UBE2V2: variants seen among roughly 807,000 people sequenced by gnomAD.
UBE2V2 encodes ubiquitin-conjugating enzyme E2 variant 2.
UBE2V2 carries 9 observed loss-of-function variants against 17.2 expected under a neutral mutation model. The observed-to-expected ratio is 0.52, with a 90% CI of 0.32 to 0.91. The LOEUF (loss-of-function observed/expected upper bound fraction) is 0.91. Ranked by LOEUF, UBE2V2 falls within the 40% of genes least tolerant of loss-of-function variation. UBE2V2 has a pLI of 0.04. For missense variants in UBE2V2, 133 were observed against 182.6 expected (o/e 0.73, Z 1.56); for synonymous variants, 61 against 57.5 (o/e 1.06, Z -0.28).
the UBE2V2 span, among the ~76,000 whole-genome samples, chr8:48,000,775 TCACGTCACTG>T: frequency 8.0e-6 from 1 of 124,972 alleles, no homozygotes; most frequent in East Asian, 2.4e-4. Flanking sequence ...TGAGTGGAGA[TCACGTCACTG>T]CACTCCAGCC....
rs570599985 is a variant in UBE2V2, at chr8:48,064,366, T to C, written c.*3538T>C. On this transcript the variant is annotated 3_prime_UTR_variant, in exon 4 of 4. Coordinates refer to ENST00000523111, the MANE Select transcript of UBE2V2 (RefSeq NM_003350.3). The stretch of plus-strand genomic sequence containing the variant: ...TCAACTCCTCAAGGTTTGGGAAAAT[T>C]GTGTATTTTTTTGTATACAAGATAA... The C allele has an allele frequency of 1.3e-5, 2 of 152,162 alleles. No homozygotes were observed. Among genetic ancestry groups the C allele is most frequent in the Non-Finnish European group, 2.9e-5 (2 of 68,024 alleles). The allele number at this position is 152,162 out of a possible 1,614,324, so 9.4% of individuals were successfully genotyped here.
chr8:48,041,173 G>GTT (rs1022135692), intron 1 of UBE2V2, among the ~76,000 whole-genome samples: 5,764 of 117,316 alleles, frequency 0.049, 448 homozygotes, highest in African/African-American at 0.17. Flanking sequence ...CTTTTTTGTT[G>GTT]TTTTTTTTTT....
At chr8:48,043,782 C>T (rs45566233) in intron 2 of UBE2V2, among the ~76,000 whole-genome samples, 5 of 152,192 alleles carry the variant, frequency 3.3e-5, no homozygotes, top group African/African-American at 4.8e-5. Flanking sequence ...CTGTAGGTCT[C>T]AGCTTCTTCA....
intron 1 of UBE2V2, among the ~76,000 whole-genome samples, chr8:48,025,677 G>A (rs1293647202): frequency 1.3e-5 from 2 of 151,128 alleles, no homozygotes; most frequent in Non-Finnish European, 2.9e-5. Flanking sequence ...TCGGCTCACT[G>A]CAAGCTCCGC....
upstream of UBE2V2, among the ~76,000 whole-genome samples, chr8:48,007,368 C>T (rs2091190995): frequency 6.6e-6 from 1 of 152,160 alleles, no homozygotes; most frequent in Non-Finnish European, 1.5e-5. Flanking sequence ...ACCCCATAGT[C>T]TCAGCCCCAA....
In UBE2V2 at chr8:48,064,518, T is replaced by C. The variant is rs894251019; in HGVS notation, c.*3690T>C. 1.1e-4 allele frequency: 17 copies of C among 152,292 alleles called. No individual in the cohort carries two copies. The highest frequency in any genetic ancestry group is 2.1e-4 in the South Asian group (1 of 4,832). The allele number at this position is 152,292 out of a possible 1,614,324, so 9.4% of individuals were successfully genotyped here. ...AATACCTCCTAAATAATATGCCTTA[T>C]AGAATGATGAAATCTTACCATAGTT... On this transcript the variant is annotated 3_prime_UTR_variant, in exon 4 of 4. Transcript: ENST00000523111.
chr8:48,001,144 C>A, the UBE2V2 span, among the ~76,000 whole-genome samples: 1 of 152,180 alleles, frequency 6.6e-6, no homozygotes, highest in Admixed American at 6.5e-5. Flanking sequence ...CATTCAAGGA[C>A]AAAGTAACCG....
intron 2 of UBE2V2, chr8:48,043,594 G>A (rs2091478664): frequency 6.5e-6 from 1 of 153,136 alleles, no homozygotes; most frequent in Non-Finnish European, 1.5e-5. Flanking sequence ...TGGTGATGGG[G>A]ATGGAGAACA....
chr8:48,006,586 T>C (rs897058072), upstream of UBE2V2, among the ~76,000 whole-genome samples: 14 of 152,112 alleles, frequency 9.2e-5, no homozygotes, highest in Admixed American at 8.5e-4. Flanking sequence ...AAAAAGCTTA[T>C]CCACCAAGAT....
intron 1 of UBE2V2, among the ~76,000 whole-genome samples, chr8:48,022,508 C>A (rs2091312695): frequency 6.6e-6 from 1 of 152,124 alleles, no homozygotes; most frequent in South Asian, 2.1e-4. Context: ...TTTTAACCTT[C>A]CTACTAAAGA....
At chr8:48,038,836 G>A (rs1471521597) in intron 1 of UBE2V2, among the ~76,000 whole-genome samples, 1 of 151,896 alleles carries the variant, frequency 6.6e-6, no homozygotes, top group Admixed American at 6.6e-5. Context: ...TGTTGACCAG[G>A]CTGGTGTTGA....
intron 1 of UBE2V2, among the ~76,000 whole-genome samples, chr8:48,027,545 G>A (rs1267384145): frequency 1.3e-5 from 2 of 152,104 alleles, no homozygotes; most frequent in South Asian, 2.1e-4. Flanking sequence ...TGTTGTCCAG[G>A]CTGGAATGTA....
rs762678144 is a variant in UBE2V2, at chr8:48,008,484, C to A, written c.16+14C>A. 2 of 1,567,146 alleles carry A rather than the reference C, an allele frequency of 1.3e-6. No individual in the cohort carries two copies. Among genetic ancestry groups the A allele is most frequent in the Admixed American group, 3.7e-5 (2 of 54,100 alleles). On this transcript the variant is annotated intron_variant, in intron 1 of 3. Transcript: ENST00000523111. ...CGGTCTCCACAGGTCGGTTCCCGGG[C>A]CGGGCTGCGTGATTTTCCGCTCCGA...
chr8:48,030,923 G>T (rs1369016099), intron 1 of UBE2V2, among the ~76,000 whole-genome samples: 3 of 152,224 alleles, frequency 2.0e-5, no homozygotes, highest in African/African-American at 4.8e-5. Context: ...TTGGGAGGCT[G>T]AGGCGGGAGA....
At chr8:48,001,354 C>T in the UBE2V2 span, among the ~76,000 whole-genome samples, 3 of 152,192 alleles carry the variant, frequency 2.0e-5, no homozygotes, top group Non-Finnish European at 4.4e-5. Context: ...AATCCTAGCA[C>T]TTTGGGAGAC....
intron 1 of UBE2V2, among the ~76,000 whole-genome samples, chr8:48,038,928 ATTT>A (rs757136193): frequency 7.9e-6 from 1 of 127,338 alleles, no homozygotes. Flanking sequence ...AATAATCCTG[ATTT>A]TTTTTTTTTT....
chr8:48,003,025 C>G, the UBE2V2 span, among the ~76,000 whole-genome samples: 11 of 152,040 alleles, frequency 7.2e-5, no homozygotes, highest in Admixed American at 7.2e-4. Flanking sequence ...TCCTGGCCAA[C>G]ATGGTGAAAC....
chr8:48,042,404 C>T (rs2091469350), intron 1 of UBE2V2: 1 of 152,136 alleles, frequency 6.6e-6, no homozygotes, highest in South Asian at 2.1e-4. Context: ...GTCAGTTGTT[C>T]ACAGGAGGTG....
rs141047781 is a variant in UBE2V2, at chr8:48,026,987, A to G, written c.17-16046A>G. ...AACTGCTAGGCTGTTTTCCAAAGGG[A>G]GACTTCTTTTTTTTCGAGACGGAGT... On this transcript the variant is annotated intron_variant, in intron 1 of 3. Transcript: ENST00000523111. Among the ~76,000 whole-genome samples the G allele has an allele frequency of 6.1e-3, 933 of 152,020 alleles. 12 individuals are homozygous for G. Among genetic ancestry groups the G allele is most frequent in the African/African-American group, 0.022 (903 of 41,456 alleles).
Sources: gnomAD v4.1 joint callset for allele counts (sites outside exome capture counted in the v4.1 genomes callset) on GRCh38, gnomAD v4.1.1 for gene constraint, MANE v1.5 for transcripts, NCBI Gene and HGNC (gene_info 2026-07-23, HGNC 2026-07-21) for gene names.